The following NRXN1 variants were observed in gnomAD, a reference collection of about 807,000 sequenced individuals.
NRXN1 encodes neurexin-1.
NRXN1 carries 39 observed loss-of-function variants against 150.9 expected under a neutral mutation model. That is an observed-to-expected ratio of 0.26 (90% CI 0.20 to 0.34). The LOEUF (loss-of-function observed/expected upper bound fraction) is 0.34. NRXN1 is among the 10% of genes least tolerant of loss of function. The pLI, the probability that NRXN1 is intolerant of heterozygous loss-of-function variation, is 1.00. For synonymous variants in NRXN1, 924 were observed against 757.0 expected (o/e 1.22, Z -3.62); for missense variants, 1,815 against 1,949.9 (o/e 0.93, Z 1.30).
At chr2:50,820,185 T>C (rs1461596075) in intron 5 of NRXN1, among the ~76,000 whole-genome samples, 1 of 152,150 alleles carries the variant, frequency 6.6e-6, no homozygotes, top group Non-Finnish European at 1.5e-5. Flanking sequence ...ACCATCCTGA[T>C]TTCTCTCCTG....
intron 5 of NRXN1, chr2:50,917,902 T>A (rs1685445376): frequency 6.6e-6 from 1 of 151,716 alleles, no homozygotes; most frequent in Admixed American, 6.6e-5. Flanking sequence ...TTTCTAAGTA[T>A]TAATAATATC....
rs2105346588 is a variant in NRXN1, at chr2:50,553,017, A to G, written c.1329T>C (p.Tyr443=). 2.5e-6 allele frequency: 4 copies of G among 1,606,464 alleles called. No homozygotes were observed. The highest frequency in any genetic ancestry group is 1.1e-5 in the South Asian group (1 of 90,620). The change falls in exon 9 of 23, where the codon TAT becomes TAC. Residue 443 remains tyrosine (Y), a synonymous_variant. Coordinates refer to ENST00000401669, the MANE Select transcript of NRXN1 (RefSeq NM_001330078.2). ...NFMGCLKEVV[Y]KNNDVRLELS... is the part of the protein sequence containing the mutation. Reference sequence around the variant, plus strand: ...ATTCCAGCCTCACATCATTATTTTTATATACAACCTGTGGGCAGAGGATAG... The same window carrying G: ...ATTCCAGCCTCACATCATTATTTTTGTATACAACCTGTGGGCAGAGGATAG...
chr2:50,698,148 A>G (rs561460319), intron 5 of NRXN1, among the ~76,000 whole-genome samples: 2 of 152,346 alleles, frequency 1.3e-5, no homozygotes, highest in African/African-American at 4.8e-5. Context: ...TTTGTCCTGT[A>G]CTTCCCACCC....
intron 5 of NRXN1, among the ~76,000 whole-genome samples, chr2:50,818,058 ATC>A (rs1361564159): frequency 1.3e-5 from 2 of 150,866 alleles, no homozygotes; most frequent in East Asian, 3.9e-4. Context: ...AGTAAAAAAA[ATC>A]TCTGTTTGCA....
At chr2:50,561,855 T>C (rs1669134332) in intron 8 of NRXN1, among the ~76,000 whole-genome samples, 1 of 152,216 alleles carries the variant, frequency 6.6e-6, no homozygotes, top group African/African-American at 2.4e-5. Flanking sequence ...CAATGTTCAC[T>C]ACTATTTTAA....
intron 17 of NRXN1, among the ~76,000 whole-genome samples, chr2:50,295,449 G>A (rs1482498814): frequency 6.6e-6 from 1 of 152,080 alleles, no homozygotes; most frequent in South Asian, 2.1e-4. Flanking sequence ...TATTGAGGAA[G>A]AGTAAATAAT....
At chr2:50,636,080 G>A (rs1395067827) in intron 5 of NRXN1, among the ~76,000 whole-genome samples, 1 of 151,952 alleles carries the variant, frequency 6.6e-6, no homozygotes, top group Admixed American at 6.6e-5. Flanking sequence ...ATATCACGAT[G>A]CCCAACACCC....
intron 18 of NRXN1, among the ~76,000 whole-genome samples, chr2:50,194,707 T>C (rs1393346479): frequency 2.0e-5 from 3 of 152,138 alleles, no homozygotes; most frequent in African/African-American, 7.2e-5. Flanking sequence ...AATTTAAACA[T>C]AATTTTTATG....
At chr2:50,890,779 T>A (rs1298011262) in intron 5 of NRXN1, among the ~76,000 whole-genome samples, 2 of 151,938 alleles carry the variant, frequency 1.3e-5, no homozygotes, top group East Asian at 3.9e-4. Flanking sequence ...TACCAGCTCA[T>A]AATTACTTCA....
chr2:50,783,073 A>T (rs1203671869), intron 5 of NRXN1, among the ~76,000 whole-genome samples: 1 of 152,164 alleles, frequency 6.6e-6, no homozygotes. Context: ...TATTTGAGAC[A>T]GATGAATTTT....
chr2:51,031,725 C>G (rs1455677017), intron 1 of NRXN1, among the ~76,000 whole-genome samples: 2 of 152,068 alleles, frequency 1.3e-5, no homozygotes, highest in Admixed American at 1.3e-4. Flanking sequence ...TAGCCTGTCT[C>G]TTATTTTCTT....
intron 17 of NRXN1, among the ~76,000 whole-genome samples, chr2:50,285,601 T>C (rs1212944054): frequency 6.6e-6 from 1 of 152,202 alleles, no homozygotes; most frequent in African/African-American, 2.4e-5. Flanking sequence ...CTCACTAATG[T>C]TATAACTAAA....
At chr2:50,910,738 C>T (rs139825593) in intron 5 of NRXN1, among the ~76,000 whole-genome samples, 1 of 151,996 alleles carries the variant, frequency 6.6e-6, no homozygotes, top group Admixed American at 6.6e-5. Flanking sequence ...GAATAATCCA[C>T]CTTTCCTAGT....
At chr2:50,447,305 C>A (rs1474597558) in intron 17 of NRXN1, among the ~76,000 whole-genome samples, 1 of 151,588 alleles carries the variant, frequency 6.6e-6, no homozygotes, top group Non-Finnish European at 1.5e-5. Flanking sequence ...GAAACCCCAT[C>A]TGTACTATTA....
At chr2:50,627,046 C>T (rs1291122136) in intron 5 of NRXN1, among the ~76,000 whole-genome samples, 1 of 151,930 alleles carries the variant, frequency 6.6e-6, no homozygotes, top group Non-Finnish European at 1.5e-5. Flanking sequence ...GATACCATTT[C>T]ATAGCCATGA....
At position 50,494,492 on chromosome 2, in the gene NRXN1, G is replaced by A. The variant is rs571764146; in HGVS notation, c.3070+1413C>T. The stretch of plus-strand genomic sequence containing the variant: ...GAATAAAGAGAAAGAGGTTTGGCCT[G>A]TAAGAAGCAGTTCTTTGAATTTCAT... On this transcript the variant is annotated intron_variant, in intron 15 of 22. Coordinates refer to ENST00000401669, the MANE Select transcript of NRXN1 (RefSeq NM_001330078.2). 2.6e-4 allele frequency among the ~76,000 whole-genome samples: 39 copies of A among 152,276 alleles called. 1 individual carries two copies. The highest frequency in any genetic ancestry group is 1.8e-3 in the Admixed American group (28 of 15,304).
chr2:50,591,118 C>T lies in NRXN1; in HGVS notation c.1320+28904G>A, dbSNP rs150104073. On this transcript the variant is annotated intron_variant, in intron 8 of 22. Coordinates refer to ENST00000401669, the MANE Select transcript of NRXN1 (RefSeq NM_001330078.2). ...GCACTCCAGGGGTTCAACTAACAAA[C>T]CAGTGGGGAGATGAAATAGAATAGA... Among the ~76,000 whole-genome samples, 23 of 152,148 alleles carry T rather than the reference C, an allele frequency of 1.5e-4. No homozygotes were observed. In the East Asian group the frequency reaches 4.1e-3, roughly 27 times the overall value.
At chr2:50,032,224 T>C (rs540989966) in intron 21 of NRXN1, among the ~76,000 whole-genome samples, 4 of 152,174 alleles carry the variant, frequency 2.6e-5, no homozygotes, top group African/African-American at 9.6e-5. Context: ...CTTTATTCAC[T>C]CGTAATAAAT....
At chr2:50,227,287 T>C (rs1222574944) in intron 18 of NRXN1, among the ~76,000 whole-genome samples, 1 of 152,002 alleles carries the variant, frequency 6.6e-6, no homozygotes, top group Non-Finnish European at 1.5e-5. Context: ...AAATAAAAAT[T>C]AGTTTCTCTT....
Sources: allele counts gnomAD v4.1 joint callset (sites outside exome capture counted in the v4.1 genomes callset), GRCh38; gene constraint gnomAD v4.1.1; transcripts MANE v1.5; gene names NCBI Gene and HGNC (gene_info 2026-07-23, HGNC 2026-07-21).